Variants in PHF24 observed in about 807,000 individuals in gnomAD.
PHF24 encodes the protein Galpha inhibitory interacting protein.
PHF24 carries 25 observed loss-of-function variants against 42.6 expected under a neutral mutation model. The observed-to-expected ratio is 0.59, with a 90% confidence interval of 0.43 to 0.82. The LOEUF (loss-of-function observed/expected upper bound fraction) is 0.82. Among genes scored for constraint, PHF24 ranks in the 40% least tolerant of loss-of-function variants. The pLI is 0.00. For synonymous variants in PHF24, 185 were observed against 204.8 expected (o/e 0.90, Z 0.83); for missense variants, 470 against 538.1 (o/e 0.87, Z 1.25).
chr9:34,817,476 C>G, the PHF24 span, among the ~76,000 whole-genome samples: 1 of 152,182 alleles, frequency 6.6e-6, no homozygotes, highest in Non-Finnish European at 1.5e-5. Flanking sequence ...AACTCTTGGC[C>G]TCAAACGATC....
At chr9:34,916,981 A>T in the PHF24 span, among the ~76,000 whole-genome samples, 1 of 152,240 alleles carries the variant, frequency 6.6e-6, no homozygotes, top group African/African-American at 2.4e-5. Context: ...CACTGAATTG[A>T]GTAAAAAACT....
At chr9:34,767,174 C>G in the PHF24 span, among the ~76,000 whole-genome samples, 1 of 152,234 alleles carries the variant, frequency 6.6e-6, no homozygotes, top group Admixed American at 6.5e-5. Flanking sequence ...CTTGAGGAGG[C>G]AGTCTGCCCG....
the PHF24 span, among the ~76,000 whole-genome samples, chr9:34,911,122 C>G: frequency 6.6e-6 from 1 of 152,010 alleles, no homozygotes; most frequent in Non-Finnish European, 1.5e-5. Flanking sequence ...CCATGCCCAG[C>G]CTATTTTGTC....
At chr9:34,874,539 T>C in the PHF24 span, among the ~76,000 whole-genome samples, 1 of 152,214 alleles carries the variant, frequency 6.6e-6, no homozygotes, top group Admixed American at 6.5e-5. Flanking sequence ...TCCTGTTGGA[T>C]TGACTCTGTT....
chr9:34,735,115 T>C, the PHF24 span, among the ~76,000 whole-genome samples: 3 of 150,326 alleles, frequency 2.0e-5, no homozygotes, highest in African/African-American at 7.3e-5. Flanking sequence ...TTACAATAGA[T>C]GTCCAGCTTT....
the PHF24 span, among the ~76,000 whole-genome samples, chr9:34,907,473 A>G: frequency 6.6e-6 from 1 of 152,128 alleles, no homozygotes; most frequent in Non-Finnish European, 1.5e-5. Flanking sequence ...ATTTTCATAG[A>G]CCCTTCTAAA....
chr9:34,726,296 T>C, the PHF24 span: 2 of 1,525,710 alleles, frequency 1.3e-6, no homozygotes, highest in Non-Finnish European at 1.8e-6. Context: ...CAGGGACTCC[T>C]CCACACGTCT....
At chr9:34,898,304 G>A in the PHF24 span, among the ~76,000 whole-genome samples, 8 of 152,208 alleles carry the variant, frequency 5.3e-5, no homozygotes, top group South Asian at 8.3e-4. Context: ...GTGTAGAGGC[G>A]TTCCCTTATT....
the PHF24 span, among the ~76,000 whole-genome samples, chr9:34,680,301 G>A: frequency 0.015 from 2,348 of 152,166 alleles, 68 homozygotes; most frequent in Admixed American, 0.072. Flanking sequence ...CTTGAATCTG[G>A]GAGGCGGAGG....
chr9:34,941,908 AG>A, the PHF24 span, among the ~76,000 whole-genome samples: 2 of 152,170 alleles, frequency 1.3e-5, no homozygotes, highest in African/African-American at 4.8e-5. Flanking sequence ...GTCAGACCAT[AG>A]CACCCTTCCA....
At chr9:34,851,500 C>T in the PHF24 span, among the ~76,000 whole-genome samples, 2 of 152,188 alleles carry the variant, frequency 1.3e-5, no homozygotes, top group Non-Finnish European at 2.9e-5. Context: ...CAGGTGCTGT[C>T]TGTCACCCCT....
chr9:34,887,098 A>C, the PHF24 span, among the ~76,000 whole-genome samples: 1 of 152,114 alleles, frequency 6.6e-6, no homozygotes, highest in African/African-American at 2.4e-5. Flanking sequence ...TTCAGGGCAA[A>C]AACTTTGGTG....
the PHF24 span, among the ~76,000 whole-genome samples, chr9:34,743,690 G>A: frequency 6.6e-6 from 1 of 152,148 alleles, no homozygotes; most frequent in Non-Finnish European, 1.5e-5. Flanking sequence ...TCCCGTGTGG[G>A]TCCTATATAG....
At chr9:34,923,655 C>T in the PHF24 span, among the ~76,000 whole-genome samples, 1 of 152,198 alleles carries the variant, frequency 6.6e-6, no homozygotes, top group East Asian at 1.9e-4. Flanking sequence ...AGAATTTCTA[C>T]ATTATGAGTT....
chr9:34,896,293 C>G, the PHF24 span, among the ~76,000 whole-genome samples: 6 of 152,166 alleles, frequency 3.9e-5, no homozygotes, highest in Admixed American at 3.9e-4. Context: ...GATATATGGT[C>G]AGTACTGAGA....
chr9:34,737,637 C>T, the PHF24 span, among the ~76,000 whole-genome samples: 14 of 152,272 alleles, frequency 9.2e-5, no homozygotes, highest in South Asian at 1.9e-3. Context: ...AGTAACTGCA[C>T]CATTTTACAT....
the PHF24 span, among the ~76,000 whole-genome samples, chr9:34,831,516 T>A: frequency 6.6e-5 from 10 of 152,024 alleles, no homozygotes; most frequent in Non-Finnish European, 1.5e-4. Context: ...CACCCTGCCC[T>A]TCATCACACT....
chr9:34,715,856 G>A, the PHF24 span, among the ~76,000 whole-genome samples: 1 of 152,194 alleles, frequency 6.6e-6, no homozygotes, highest in African/African-American at 2.4e-5. Flanking sequence ...CAAGAGTCTG[G>A]AAATCCCCTA....
At chr9:34,832,283 G>A in the PHF24 span, 1 of 562,502 alleles carries the variant, frequency 1.8e-6, no homozygotes, top group South Asian at 2.6e-5. Flanking sequence ...TATCTGAACT[G>A]AGGGTTAGGA....
Sources: gnomAD v4.1 joint callset for allele counts (sites outside exome capture counted in the v4.1 genomes callset) on GRCh38, gnomAD v4.1.1 for gene constraint, MANE v1.5 for transcripts, NCBI Gene and HGNC (gene_info 2026-07-23, HGNC 2026-07-21) for gene names.